The following NHERF4 variants were observed in gnomAD, a reference collection of about 807,000 sequenced individuals.
NHERF4 encodes the protein Na(+)/H(+) exchange regulatory cofactor NHE-RF4.
At chr11:119,187,153 A>AAG in the NHERF4 span, 2 of 873,298 alleles carry the variant, frequency 2.3e-6, no homozygotes. Context: ...AAAAAAAAAA[A>AAG]AAAAAGAAAA....
At chr11:119,187,153 A>AG in the NHERF4 span, 2 of 873,412 alleles carry the variant, frequency 2.3e-6, no homozygotes, top group East Asian at 2.8e-5. Context: ...AAAAAAAAAA[A>AG]AAAAAGAAAA....
chr11:119,187,346 G>C, the NHERF4 span: 6 of 1,613,708 alleles, frequency 3.7e-6, no homozygotes, highest in Non-Finnish European at 5.1e-6. Flanking sequence ...GACGTGGCCC[G>C]AGCTCAGCTG....
At chr11:119,188,104 G>A in the NHERF4 span, 1 of 1,549,546 alleles carries the variant, frequency 6.5e-7, no homozygotes, top group Non-Finnish European at 8.7e-7. Flanking sequence ...AGGGTTTTGG[G>A]TTCCTGCTCC....
the NHERF4 span, chr11:119,188,777 C>T: frequency 5.1e-5 from 83 of 1,614,064 alleles, no homozygotes; most frequent in African/African-American, 8.4e-4. Flanking sequence ...CTCTTGGCTC[C>T]CGACAGTGCT....
the NHERF4 span, chr11:119,186,521 A>C: frequency 1.9e-6 from 3 of 1,614,016 alleles, no homozygotes; most frequent in Non-Finnish European, 2.5e-6. The surrounding 1 kb of genome is among the most constrained non-coding windows in gnomAD (Gnocchi z 4.4). Flanking sequence ...TTACTGAGCA[A>C]AGAGGAGGGC....
At chr11:119,188,897 C>T in the NHERF4 span, 16 of 1,611,358 alleles carry the variant, frequency 9.9e-6, no homozygotes, top group African/African-American at 1.9e-4. Context: ...TCTTGAATCC[C>T]TTCGATCCTT....
chr11:119,186,771 A>G, the NHERF4 span: 19 of 1,345,880 alleles, frequency 1.4e-5, 1 homozygote, highest in South Asian at 2.5e-4. This position sits in a 1 kb window ranked among gnomAD's most constrained non-coding sequence, Gnocchi z 4.4. Flanking sequence ...GTATGGCAGC[A>G]GGGCACAAGC....
At chr11:119,186,728 GAA>G in the NHERF4 span, 11 of 1,549,462 alleles carry the variant, frequency 7.1e-6, no homozygotes, top group Non-Finnish European at 9.6e-6. This position sits in a 1 kb window ranked among gnomAD's most constrained non-coding sequence, Gnocchi z 4.4. Flanking sequence ...TAGCACCTCA[GAA>G]AGAGAAGCGG....
the NHERF4 span, chr11:119,188,447 G>A: frequency 3.5e-5 from 56 of 1,613,246 alleles, no homozygotes; most frequent in Admixed American, 5.0e-5. Flanking sequence ...TGGGGAGAGC[G>A]TGGAGGGGCT....
the NHERF4 span, chr11:119,185,886 T>A: frequency 2.5e-6 from 4 of 1,613,826 alleles, no homozygotes. Flanking sequence ...GGGAGAAGAA[T>A]GTGACTCTCC....
the NHERF4 span, chr11:119,185,654 G>A: frequency 1.2e-6 from 1 of 809,358 alleles, no homozygotes. Flanking sequence ...GAAAAGTAAT[G>A]AGTTGATATG....
the NHERF4 span, chr11:119,186,616 C>T: frequency 2.1e-5 from 34 of 1,613,572 alleles, no homozygotes; most frequent in South Asian, 5.5e-5. This position sits in a 1 kb window ranked among gnomAD's most constrained non-coding sequence, Gnocchi z 4.4. Flanking sequence ...CTCTGCCCAG[C>T]GCCAGGGTCT....
chr11:119,186,696 G>A, the NHERF4 span: 14 of 1,595,916 alleles, frequency 8.8e-6, no homozygotes, highest in South Asian at 1.5e-4. The surrounding 1 kb of genome is among the most constrained non-coding windows in gnomAD (Gnocchi z 4.4). Context: ...CGGTGGTAAG[G>A]CTGTGGTCCA....
At chr11:119,189,941 C>G in the NHERF4 span, 1 of 330,960 alleles carries the variant, frequency 3.0e-6, no homozygotes, top group Non-Finnish European at 5.6e-6. This position sits in a 1 kb window ranked among gnomAD's most constrained non-coding sequence, Gnocchi z 5.8. Flanking sequence ...AATGGCCATT[C>G]GCCATAAATC....
At chr11:119,189,167 CG>C in the NHERF4 span, 1 of 1,612,606 alleles carries the variant, frequency 6.2e-7, no homozygotes, top group Non-Finnish European at 8.5e-7. This position sits in a 1 kb window ranked among gnomAD's most constrained non-coding sequence, Gnocchi z 5.8. Flanking sequence ...CAGGTCTCTG[CG>C]GGGCTTGGAA....
chr11:119,189,029 C>T, the NHERF4 span: 34 of 1,614,060 alleles, frequency 2.1e-5, no homozygotes, highest in East Asian at 4.5e-5. This position sits in a 1 kb window ranked among gnomAD's most constrained non-coding sequence, Gnocchi z 5.8. Flanking sequence ...CTCAGCTGCC[C>T]GGGCTGGGCT....
chr11:119,189,467 G>T, the NHERF4 span: 2 of 1,614,164 alleles, frequency 1.2e-6, no homozygotes, highest in African/African-American at 2.7e-5. This position sits in a 1 kb window ranked among gnomAD's most constrained non-coding sequence, Gnocchi z 5.8. Flanking sequence ...GTATAGGACT[G>T]GGCTCTGGCC....
At chr11:119,187,711 C>G in the NHERF4 span, 1 of 1,491,638 alleles carries the variant, frequency 6.7e-7, no homozygotes, top group East Asian at 2.5e-5. Flanking sequence ...GTGTGACTGC[C>G]TGTCTCCCAC....
At chr11:119,189,015 G>A in the NHERF4 span, 5 of 1,614,094 alleles carry the variant, frequency 3.1e-6, no homozygotes, top group Non-Finnish European at 3.4e-6. This position sits in a 1 kb window ranked among gnomAD's most constrained non-coding sequence, Gnocchi z 5.8. Flanking sequence ...GTGACTCCAG[G>A]AGGCTCAGCT....
Sources: gnomAD v4.1 joint callset for allele counts on GRCh38, gnomAD v4.1.1 for gene constraint, Gnocchi (gnomAD v3.1) non-coding constraint, MANE v1.5 for transcripts, NCBI Gene and HGNC (gene_info 2026-07-23, HGNC 2026-07-21) for gene names.